Variants in RBFOX1 observed in about 807,000 individuals in gnomAD.
The protein encoded by RBFOX1 is RNA binding fox-1 homolog 1.
In RBFOX1, 8 loss-of-function variants were observed where a neutral mutation model predicts 57.7. The ratio of observed to expected loss-of-function variants is 0.14; its 90% CI spans 0.08 to 0.25. The LOEUF (loss-of-function observed/expected upper bound fraction) is 0.25. Among genes scored for constraint, RBFOX1 ranks in the 10% least tolerant of loss-of-function variants. The probability of loss-of-function intolerance (pLI) is 1.00; values close to 1 mark genes in which losing one functional copy is unlikely to be tolerated. For missense variants in RBFOX1, 611 were observed against 548.5 expected (o/e 1.11, Z -1.14); for synonymous variants, 326 against 222.4 (o/e 1.47, Z -4.15).
intron 2 of RBFOX1, among the ~76,000 whole-genome samples, chr16:6,357,843 T>G (rs932970361): frequency 6.6e-6 from 1 of 151,364 alleles, no homozygotes; most frequent in Non-Finnish European, 1.5e-5. Flanking sequence ...CCCAACTACT[T>G]GGGAGGCTGA....
chr16:6,859,431 C>G (rs1017877329), intron 3 of RBFOX1, among the ~76,000 whole-genome samples: 1 of 151,876 alleles, frequency 6.6e-6, no homozygotes, highest in African/African-American at 2.4e-5. Context: ...TACTTGTCAG[C>G]TCTCTGTTCA....
At chr16:6,944,986 G>A (rs775823319) in intron 3 of RBFOX1, among the ~76,000 whole-genome samples, 4 of 152,064 alleles carry the variant, frequency 2.6e-5, no homozygotes, top group Non-Finnish European at 1.5e-5. Flanking sequence ...CTCCTCCTGG[G>A]TGAAAAGGGT....
chr16:7,115,235 C>T (rs1743096656), intron 4 of RBFOX1, among the ~76,000 whole-genome samples: 1 of 151,988 alleles, frequency 6.6e-6, no homozygotes, highest in African/African-American at 2.4e-5. Context: ...TGGACATTCC[C>T]ATGTCAATGA....
intron 3 of RBFOX1, among the ~76,000 whole-genome samples, chr16:5,642,528 A>T (rs571500406): frequency 6.6e-6 from 1 of 152,320 alleles, no homozygotes; most frequent in Admixed American, 6.5e-5. Context: ...GCTGGGATTG[A>T]AATGAAAATT....
At position 7,088,470 on chromosome 16, in the gene RBFOX1, T is replaced by C. The variant is rs572023883; in HGVS notation, c.27+36372T>C. ...GTATGTGAGAGTATATTTTACAAGA[T>C]TGGTCTTGAAAAAGGTAGATTTACA... On this transcript the variant is annotated intron_variant, in intron 4 of 15. Coordinates refer to ENST00000550418, the MANE Select transcript of RBFOX1 (RefSeq NM_018723.4). Among the ~76,000 whole-genome samples, 167 of 152,266 alleles carry C rather than the reference T, an allele frequency of 1.1e-3. 2 individuals carry two copies. Among genetic ancestry groups the C allele is most frequent in the African/African-American group, 3.8e-3 (156 of 41,550 alleles).
chr16:7,375,657 G>T (rs2147641636), intron 4 of RBFOX1, among the ~76,000 whole-genome samples: 1 of 152,236 alleles, frequency 6.6e-6, no homozygotes, highest in South Asian at 2.1e-4. Context: ...AAGTCATTCT[G>T]TGTGACAATT....
At chr16:6,514,219 T>G (rs2096320709) in intron 2 of RBFOX1, among the ~76,000 whole-genome samples, 1 of 152,138 alleles carries the variant, frequency 6.6e-6, no homozygotes, top group East Asian at 1.9e-4. Context: ...GCTCTCTGCT[T>G]AAAAGGATGT....
In RBFOX1 at chr16:7,178,532, T is replaced by G. The variant is rs554665415; in HGVS notation, c.27+126434T>G. On this transcript the variant is annotated intron_variant, in intron 4 of 15. Coordinates refer to ENST00000550418, the MANE Select transcript of RBFOX1 (RefSeq NM_018723.4). Reference sequence around the variant, plus strand: ...AATCATTACTAAACAATGTGATGTGTGCATGGCAAAGAACCTATCTGCATG... The same window carrying G: ...AATCATTACTAAACAATGTGATGTGGGCATGGCAAAGAACCTATCTGCATG... 2.0e-5 allele frequency among the ~76,000 whole-genome samples: 3 copies of G among 152,350 alleles called. No homozygotes were observed. In the South Asian group the frequency reaches 6.2e-4, roughly 32 times the overall value.
Position 7,022,019 on chromosome 16 carries a change from CCCCCTCCCCTT to C in RBFOX1, c.-15-30022_-15-30012del, listed in dbSNP as rs1350195628. Among the ~76,000 whole-genome samples, 43 of 7,760 alleles carry C rather than the reference CCCCCTCCCCTT, an allele frequency of 5.5e-3. 3 individuals carry two copies. The highest frequency in any genetic ancestry group is 0.016 in the African/African-American group (14 of 856). The allele number at this position is 7,760 out of a possible 152,430, so 5.1% of individuals were successfully genotyped here. On this transcript the variant is annotated intron_variant, in intron 3 of 15. Coordinates refer to ENST00000550418, the MANE Select transcript of RBFOX1 (RefSeq NM_018723.4). ...CTCCCCCTCTCCCTCCCCTTCCCTT[CCCCCTCCCCTT>C]CCCCTCCCCTTCCCCCTCCCCTTCC...
intron 5 of RBFOX1, among the ~76,000 whole-genome samples, chr16:7,544,958 T>C (rs907912948): frequency 6.6e-6 from 1 of 152,194 alleles, no homozygotes; most frequent in African/African-American, 2.4e-5. Flanking sequence ...TCAGTTACGA[T>C]GTGTGAACGG....
chr16:7,367,207 C>A (rs2097470030), intron 4 of RBFOX1, among the ~76,000 whole-genome samples: 1 of 152,102 alleles, frequency 6.6e-6, no homozygotes. Context: ...CCCCCACCCC[C>A]ATCTTACTGT....
At chr16:5,620,169 C>T (rs894714162) in intron 3 of RBFOX1, among the ~76,000 whole-genome samples, 22 of 152,092 alleles carry the variant, frequency 1.4e-4, no homozygotes, top group Admixed American at 9.2e-4. Context: ...AGGAGCTTTG[C>T]GTACATTTTT....
At chr16:6,826,790 T>G (rs371384928) in intron 3 of RBFOX1, among the ~76,000 whole-genome samples, 7 of 152,214 alleles carry the variant, frequency 4.6e-5, no homozygotes, top group African/African-American at 1.7e-4. Context: ...AATGACTTTA[T>G]GTGAAATCTC....
intron 4 of RBFOX1, among the ~76,000 whole-genome samples, chr16:5,917,783 A>G (rs1183333491): frequency 6.6e-6 from 1 of 152,228 alleles, no homozygotes; most frequent in African/African-American, 2.4e-5. Context: ...AAGTGTGACC[A>G]GAATGATCAT....
chr16:7,572,331 T>C (rs2152780735), intron 5 of RBFOX1, among the ~76,000 whole-genome samples: 1 of 152,294 alleles, frequency 6.6e-6, no homozygotes, highest in South Asian at 2.1e-4. Flanking sequence ...TCGCTCATGG[T>C]AAGGCTTAGT....
chr16:6,708,145 CG>C lies in RBFOX1; in HGVS notation c.-16+53500del, dbSNP rs34189712. On this transcript the variant is annotated intron_variant, in intron 3 of 15. Transcript: ENST00000550418. Reference sequence around the variant, plus strand: ...ACCCACAGACACCTGGCTTGGGGAGCGGGGGATGTTGGGGGTTATGACTTTT... The same window carrying C: ...ACCCACAGACACCTGGCTTGGGGAGCGGGGATGTTGGGGGTTATGACTTTT... 7.9e-5 allele frequency among the ~76,000 whole-genome samples: 12 copies of C among 152,180 alleles called. No individual in the cohort carries two copies. The South Asian group carries it at 2.3e-3, about 29-fold the overall frequency.
intron 1 of RBFOX1, among the ~76,000 whole-genome samples, chr16:6,316,124 T>C (rs1204710375): frequency 2.6e-5 from 4 of 152,148 alleles, no homozygotes; most frequent in Admixed American, 2.6e-4. Context: ...TGCAAAGTAG[T>C]CCCGTCTCTG....
intron 4 of RBFOX1, among the ~76,000 whole-genome samples, chr16:5,984,005 C>G (rs1455056093): frequency 7.1e-6 from 1 of 140,044 alleles, no homozygotes; most frequent in Non-Finnish European, 1.5e-5. Flanking sequence ...TTCTTCTTCT[C>G]CTTCCTCCTT....
chr16:7,119,745 G>A (rs1179531195), intron 4 of RBFOX1, among the ~76,000 whole-genome samples: 1 of 151,994 alleles, frequency 6.6e-6, no homozygotes, highest in Non-Finnish European at 1.5e-5. Flanking sequence ...AAAGAGAAAT[G>A]GAGAGTCTAC....
Sources: gnomAD v4.1 joint callset for allele counts (sites outside exome capture counted in the v4.1 genomes callset) on GRCh38, gnomAD v4.1.1 for gene constraint, MANE v1.5 for transcripts, NCBI Gene and HGNC (gene_info 2026-07-23, HGNC 2026-07-21) for gene names.